SYT10: variants seen among roughly 807,000 people sequenced by gnomAD.
The protein encoded by SYT10 is synaptotagmin-10.
Under a neutral mutation model 51.1 loss-of-function variants are expected in SYT10, and 31 were observed. The observed-to-expected ratio is 0.61, with a 90% CI of 0.46 to 0.82. SYT10 has a LOEUF of 0.82. Among genes scored for constraint, SYT10 ranks in the 40% least tolerant of loss-of-function variants. SYT10 has a pLI of 0.00. For synonymous variants in SYT10, 233 were observed against 225.9 expected (o/e 1.03, Z -0.28); for missense variants, 603 against 634.0 (o/e 0.95, Z 0.53).
chr12:33,390,361 G>T (rs889826954), intron 3 of SYT10, among the ~76,000 whole-genome samples: 4 of 152,100 alleles, frequency 2.6e-5, no homozygotes, highest in African/African-American at 9.7e-5. Flanking sequence ...GATAATAAAT[G>T]TGCAATGTCA....
At chr12:33,433,421 C>A (rs956926292) in intron 1 of SYT10, among the ~76,000 whole-genome samples, 2 of 152,078 alleles carry the variant, frequency 1.3e-5, no homozygotes, top group African/African-American at 4.8e-5. Flanking sequence ...ATTATTTTTT[C>A]TAATTACAAA....
chr12:33,380,109 T>TTA (rs1207424298), intron 5 of SYT10, 148 bp from the exon 6 acceptor site: 2 of 815,172 alleles, frequency 2.5e-6, no homozygotes, highest in African/African-American at 3.5e-5. Context: ...ATGAAATCTC[T>TTA]TAAGTAAATC....
At chr12:33,385,535 A>G (rs1172181306) in intron 3 of SYT10, among the ~76,000 whole-genome samples, 1 of 152,224 alleles carries the variant, frequency 6.6e-6, no homozygotes, top group Non-Finnish European at 1.5e-5. Context: ...CAGACTACTG[A>G]TTCCACCCAT....
rs1422433818 is a variant in SYT10, at chr12:33,374,690, G to A, written c.*2140C>T. 6.6e-6 allele frequency: 1 copy of A among 151,786 alleles called. No homozygotes were observed. The highest frequency in any genetic ancestry group is 2.4e-5 in the African/African-American group (1 of 41,366). 9.4% of individuals were successfully genotyped at this position (151,786 alleles called of 1,614,324 possible). A position where few individuals can be genotyped will look rare whatever the true frequency, so the allele number is the denominator to read the frequency against. On this transcript the variant is annotated 3_prime_UTR_variant, in exon 7 of 7. Transcript: ENST00000228567. ...CATGATGAGTTTATTCTAACTTCAA[G>A]GAAACATTTAAAAAATTCTTTTAAA...
intron 2 of SYT10, chr12:33,423,915 G>A (rs1192776900): frequency 4.4e-6 from 2 of 455,318 alleles, no homozygotes; most frequent in Non-Finnish European, 4.4e-6. Flanking sequence ...CTTACTTCAT[G>A]CAGGTTGGTG....
Position 33,375,461 on chromosome 12 carries a change from A to T in SYT10, c.*1369T>A, listed in dbSNP as rs1442470477. The T allele has an allele frequency of 1.3e-5, 2 of 152,068 alleles. No individual in the cohort carries two copies. Among genetic ancestry groups the T allele is most frequent in the African/African-American group, 4.8e-5 (2 of 41,442 alleles). 9.4% of individuals were successfully genotyped at this position (152,068 alleles called of 1,614,324 possible). ...CAATTTTGAAATAAGCTTGAAATAT[A>T]TACTATCTATACCACACATCTTAAA... On this transcript the variant is annotated 3_prime_UTR_variant, in exon 7 of 7. Coordinates refer to ENST00000228567, the MANE Select transcript of SYT10 (RefSeq NM_198992.4).
intron 3 of SYT10, among the ~76,000 whole-genome samples, chr12:33,395,067 G>A (rs1211593475): frequency 6.6e-6 from 1 of 152,192 alleles, no homozygotes; most frequent in Non-Finnish European, 1.5e-5. Flanking sequence ...CAGCCTGAGC[G>A]ACAGAGCGAG....
intron 3 of SYT10, among the ~76,000 whole-genome samples, chr12:33,387,656 T>C (rs1866167983): frequency 6.6e-6 from 1 of 151,960 alleles, no homozygotes; most frequent in Admixed American, 6.5e-5. Context: ...CCAAAAATAG[T>C]GAGCAAGATC....
At chr12:33,409,977 A>G (rs1303745486) in intron 2 of SYT10, among the ~76,000 whole-genome samples, 1 of 152,226 alleles carries the variant, frequency 6.6e-6, no homozygotes, top group Non-Finnish European at 1.5e-5. Flanking sequence ...CTTAATATAA[A>G]GGAACGTTTA....
chr12:33,432,732 C>T (rs1441218299), intron 1 of SYT10: 3 of 151,954 alleles, frequency 2.0e-5, no homozygotes, highest in Non-Finnish European at 4.4e-5. Flanking sequence ...GACAAATTGA[C>T]ATTTACAAGG....
At chr12:33,380,476 A>C (rs941292281) in intron 5 of SYT10, among the ~76,000 whole-genome samples, 1 of 152,196 alleles carries the variant, frequency 6.6e-6, no homozygotes, top group African/African-American at 2.4e-5. Flanking sequence ...GTTCAGTTGC[A>C]TGGCATGTGA....
intron 1 of SYT10, among the ~76,000 whole-genome samples, chr12:33,437,336 A>T (rs1866646416): frequency 6.6e-6 from 1 of 152,200 alleles, no homozygotes. Flanking sequence ...ATTGTTTTAG[A>T]CTAATTTTTC....
intron 1 of SYT10, among the ~76,000 whole-genome samples, chr12:33,435,148 C>A (rs1866627985): frequency 6.6e-6 from 1 of 152,132 alleles, no homozygotes; most frequent in Non-Finnish European, 1.5e-5. Flanking sequence ...ACAGTAATGA[C>A]TGTTTTTTTA....
rs767273310 is a variant in SYT10 at position 33,426,257 on chromosome 12, T to A, written c.390A>T (p.Ala130=). ...EKPAVKAIEP[A]IKISHTSPDI... Reference sequence around the variant, plus strand: ...CAGGGGAAGTGTGGCTGATTTTTATTGCAGGCTCAATAGCTTTTACGGCTG... The same window carrying A: ...CAGGGGAAGTGTGGCTGATTTTTATAGCAGGCTCAATAGCTTTTACGGCTG... The change falls in exon 2 of 7, where the codon GCA becomes GCT. Residue 130 remains alanine, a synonymous_variant. Coordinates refer to ENST00000228567, the MANE Select transcript of SYT10 (RefSeq NM_198992.4). The A allele has an allele frequency of 1.9e-5, 31 of 1,614,204 alleles. No individual in the cohort carries two copies. Among genetic ancestry groups the A allele is most frequent in the Non-Finnish European group, 2.6e-5 (31 of 1,180,040 alleles).
At position 33,376,626 on chromosome 12, in the gene SYT10, A is replaced by G. The variant is rs954310978; in HGVS notation, c.*204T>C. On this transcript the variant is annotated 3_prime_UTR_variant, in exon 7 of 7. Transcript: ENST00000228567. Reference sequence around the variant, plus strand: ...TACGAAGGATAAAATGCCTTATGCAACTAAGGACTATATGTATTCAAGTAA... The same window carrying G: ...TACGAAGGATAAAATGCCTTATGCAGCTAAGGACTATATGTATTCAAGTAA... 6 of 572,526 alleles carry G rather than the reference A, an allele frequency of 1.0e-5. No homozygotes were observed. Among genetic ancestry groups the G allele is most frequent in the South Asian group, 2.5e-5 (1 of 39,412 alleles). The allele number at this position is 572,526 out of a possible 1,614,324, so 35.5% of individuals were successfully genotyped here.
intron 3 of SYT10, among the ~76,000 whole-genome samples, chr12:33,395,056 C>G (rs773142623): frequency 4.0e-4 from 61 of 152,296 alleles, no homozygotes; most frequent in Admixed American, 1.2e-3. Context: ...CCACTGCACT[C>G]CAGCCTGAGC....
Position 33,406,882 on chromosome 12 carries a change from G to A in SYT10, c.984C>T (p.Asp328=), listed in dbSNP as rs2138414961. ...TATCAAGAATCACTTCCCCAATCAT[G>A]TCATGTCTAGAAAATCTGTCAAAAT... The part of the protein sequence containing the change: ...VYDFDRFSRH[D]MIGEVILDNL... Residue 328 remains aspartate, a synonymous_variant, in exon 3 of 7, where the codon GAC becomes GAT. Coordinates refer to ENST00000228567, the MANE Select transcript of SYT10 (RefSeq NM_198992.4). 2 of 1,614,020 alleles carry A rather than the reference G, an allele frequency of 1.2e-6. No individual in the cohort carries two copies. The highest frequency in any genetic ancestry group is 1.3e-5 in the African/African-American group (1 of 75,038).
intron 3 of SYT10, among the ~76,000 whole-genome samples, chr12:33,406,061 CA>C (rs1337352025): frequency 7.2e-5 from 11 of 151,776 alleles, no homozygotes; most frequent in Non-Finnish European, 1.5e-5. Context: ...ATATGCATAG[CA>C]AAAAGTTGGA....
chr12:33,420,820 C>T (rs1866496772), intron 2 of SYT10, among the ~76,000 whole-genome samples: 1 of 152,138 alleles, frequency 6.6e-6, no homozygotes, highest in Non-Finnish European at 1.5e-5. Context: ...GTGTGTACAC[C>T]TAATACATTT....
Sources: allele counts gnomAD v4.1 joint callset (sites outside exome capture counted in the v4.1 genomes callset), GRCh38; gene constraint gnomAD v4.1.1; transcripts MANE v1.5; gene names NCBI Gene and HGNC (gene_info 2026-07-23, HGNC 2026-07-21).